Variants in FAM227B observed in about 807,000 individuals in gnomAD.
FAM227B encodes the protein protein FAM227B.
FAM227B carries 88 observed loss-of-function variants against 73.8 expected under a neutral mutation model. The ratio of observed to expected loss-of-function variants is 1.19; its 90% CI spans 1.00 to 1.42. The LOEUF is 1.42. FAM227B is among the 40% of genes most tolerant of loss of function. FAM227B has a pLI of 0.00. For missense variants in FAM227B, 632 were observed against 590.9 expected (o/e 1.07, Z -0.72); for synonymous variants, 210 against 190.5 (o/e 1.10, Z -0.84).
chr15:49,503,868 C>T (rs28798135), intron 11 of FAM227B, among the ~76,000 whole-genome samples: 27,906 of 152,090 alleles, frequency 0.18, 3,169 homozygotes, highest in Non-Finnish European at 0.25. Flanking sequence ...GTCAGTGTGG[C>T]GATTCCTCAG....
At chr15:49,408,752 C>A (rs887396201) in intron 11 of FAM227B, among the ~76,000 whole-genome samples, 1 of 151,384 alleles carries the variant, frequency 6.6e-6, no homozygotes, top group South Asian at 2.1e-4. Context: ...GCTTCATTTT[C>A]TGTCAGATTA....
chr15:49,340,281 C>T (rs1022096509), intron 13 of FAM227B, among the ~76,000 whole-genome samples: 1 of 152,118 alleles, frequency 6.6e-6, no homozygotes, highest in Non-Finnish European at 1.5e-5. Context: ...CTGCAGGTTG[C>T]GAAGACCATG....
At chr15:49,396,541 G>T in intron 11 of FAM227B, 1 of 160,184 alleles carries the variant, frequency 6.2e-6, no homozygotes, top group Non-Finnish European at 1.4e-5. Flanking sequence ...ACCTCTGGGG[G>T]CAGGGCACAG....
At chr15:49,390,472 TG>T (rs1288180541) in intron 11 of FAM227B, among the ~76,000 whole-genome samples, 1 of 152,098 alleles carries the variant, frequency 6.6e-6, no homozygotes, top group Non-Finnish European at 1.5e-5. Flanking sequence ...CACATTGTTT[TG>T]TTTTTGGATA....
chr15:49,536,787 G>C (rs1567517029), intron 10 of FAM227B, among the ~76,000 whole-genome samples: 1 of 151,926 alleles, frequency 6.6e-6, no homozygotes, highest in Non-Finnish European at 1.5e-5. Context: ...ATTAATTTTT[G>C]ACAAGGGCAC....
chr15:49,424,074 G>T, intron 11 of FAM227B: 1 of 419,456 alleles, frequency 2.4e-6, no homozygotes. Context: ...AACTTACTAC[G>T]AACTGTTTTT....
At chr15:49,564,586 C>A (rs1391282351) in intron 9 of FAM227B, among the ~76,000 whole-genome samples, 3 of 151,988 alleles carry the variant, frequency 2.0e-5, no homozygotes, top group Non-Finnish European at 2.9e-5. Flanking sequence ...ATGGAATCAA[C>A]CTAACTATCC....
intron 11 of FAM227B, among the ~76,000 whole-genome samples, chr15:49,425,899 G>A (rs964835843): frequency 6.6e-6 from 1 of 151,504 alleles, no homozygotes; most frequent in Non-Finnish European, 1.5e-5. Flanking sequence ...CTAAGGAAAT[G>A]ACTATTTGGA....
intron 7 of FAM227B, among the ~76,000 whole-genome samples, chr15:49,575,667 G>A (rs1021353389): frequency 6.6e-6 from 1 of 151,988 alleles, no homozygotes; most frequent in Non-Finnish European, 1.5e-5. Flanking sequence ...TATTTGGCTA[G>A]TAGATATTGA....
At chr15:49,552,049 G>T (rs59168241) in intron 9 of FAM227B, among the ~76,000 whole-genome samples, 16,282 of 152,126 alleles carry the variant, frequency 0.11, 1,233 homozygotes, top group East Asian at 0.36. Context: ...TTAATATTCT[G>T]TGTTTTTTCT....
At chr15:49,408,810 A>G (rs2048687158) in intron 11 of FAM227B, among the ~76,000 whole-genome samples, 1 of 152,072 alleles carries the variant, frequency 6.6e-6, no homozygotes. Flanking sequence ...CCATGGGAGC[A>G]AGTAACATGT....
rs565804617 is a variant in FAM227B at position 49,595,352 on chromosome 15, C to T, written c.106-5345G>A. 8.8e-4 allele frequency among the ~76,000 whole-genome samples: 134 copies of T among 151,874 alleles called. 5 individuals carry two copies. The South Asian group carries it at 0.027, about 30-fold the overall frequency. On this transcript the variant is annotated intron_variant, in intron 3 of 15. Coordinates refer to ENST00000299338, the MANE Select transcript of FAM227B (RefSeq NM_152647.3). ...AGATCTAGGAGCTTTTCAAATTAGT[C>T]TTTATCATCTTCTAGGTATATAATC... is the stretch of plus-strand genomic sequence containing the variant.
At chr15:49,613,529 A>G (rs2078091912) in intron 2 of FAM227B, among the ~76,000 whole-genome samples, 1 of 152,200 alleles carries the variant, frequency 6.6e-6, no homozygotes, top group African/African-American at 2.4e-5. Context: ...AAAAACAGCT[A>G]GAGAGAATGA....
chr15:49,334,222 C>G (rs1300997075), intron 14 of FAM227B: 1 of 980,722 alleles, frequency 1.0e-6, no homozygotes, highest in Non-Finnish European at 1.2e-6. Flanking sequence ...ACAAACCTAT[C>G]AAGCTCCTTG....
At chr15:49,388,173 T>C (rs998608048) in intron 11 of FAM227B, among the ~76,000 whole-genome samples, 8 of 151,476 alleles carry the variant, frequency 5.3e-5, no homozygotes, top group African/African-American at 1.5e-4. Flanking sequence ...CAAATAGCCA[T>C]AGAAATCCTA....
chr15:49,412,265 C>A (rs751958622), intron 11 of FAM227B, among the ~76,000 whole-genome samples: 1 of 151,960 alleles, frequency 6.6e-6, no homozygotes, highest in Non-Finnish European at 1.5e-5. Flanking sequence ...GCCAAATTAG[C>A]CATTTTTTCT....
intron 11 of FAM227B, among the ~76,000 whole-genome samples, chr15:49,385,549 A>T (rs1312324913): frequency 1.3e-5 from 2 of 151,614 alleles, no homozygotes; most frequent in African/African-American, 2.4e-5. Context: ...ACCAAAATAG[A>T]ACCTCTTGAA....
intron 11 of FAM227B, chr15:49,422,625 A>C (rs2151740812): frequency 2.7e-6 from 3 of 1,113,758 alleles, no homozygotes; most frequent in Non-Finnish European, 3.9e-6. Context: ...GTAGCAGCTG[A>C]GACTCTGGAA....
chr15:49,558,254 C>A (rs1217786517), intron 9 of FAM227B, among the ~76,000 whole-genome samples: 1 of 152,226 alleles, frequency 6.6e-6, no homozygotes, highest in Non-Finnish European at 1.5e-5. Flanking sequence ...ACCTGGGCTC[C>A]TAGTGCAGCA....
Sources: gnomAD v4.1 joint callset for allele counts (sites outside exome capture counted in the v4.1 genomes callset) on GRCh38, gnomAD v4.1.1 for gene constraint, MANE v1.5 for transcripts, NCBI Gene and HGNC (gene_info 2026-07-23, HGNC 2026-07-21) for gene names.